The following MAF variants were observed in gnomAD, a reference collection of about 807,000 sequenced individuals.
MAF encodes transcription factor Maf.
MAF carries 10 observed loss-of-function variants against 22.0 expected under a neutral mutation model. That is an observed-to-expected ratio of 0.45 (90% CI 0.28 to 0.77). MAF has a LOEUF of 0.77. Among genes scored for constraint, MAF ranks in the 30% least tolerant of loss-of-function variants. The pLI is 0.12. For synonymous variants in MAF, 337 were observed against 255.8 expected, an observed-to-expected ratio of 1.32 and a Z score of -3.03; for missense variants, 544 against 548.4, an observed-to-expected ratio of 0.99 and a Z score of 0.08.
chr16:79,227,684 T>C, the MAF span, among the ~76,000 whole-genome samples: 2 of 151,908 alleles, frequency 1.3e-5, no homozygotes. Context: ...TAAGCTGAAG[T>C]ATTGATTTTT....
At chr16:79,591,608 T>C (rs1272326947), downstream of MAF, among the ~76,000 whole-genome samples, 1 of 152,224 alleles carries the variant, frequency 6.6e-6, no homozygotes, top group Non-Finnish European at 1.5e-5. Flanking sequence ...AAAATGTGTT[T>C]TATGAGTTTC....
the MAF span, among the ~76,000 whole-genome samples, chr16:79,264,748 C>G: frequency 6.6e-6 from 1 of 152,198 alleles, no homozygotes; most frequent in African/African-American, 2.4e-5. Flanking sequence ...TGTCTAACCT[C>G]TAGGAAACTT....
the MAF span, among the ~76,000 whole-genome samples, chr16:79,577,404 T>G: frequency 1.3e-5 from 2 of 152,182 alleles, no homozygotes. Context: ...TGGTGAAGGG[T>G]CAATTGATAC....
chr16:79,396,545 G>A, the MAF span, among the ~76,000 whole-genome samples: 2 of 152,200 alleles, frequency 1.3e-5, no homozygotes, highest in Non-Finnish European at 1.5e-5. Context: ...TAAATATGAG[G>A]GTTCTAGAAT....
chr16:79,433,338 G>A, the MAF span, among the ~76,000 whole-genome samples: 10 of 150,786 alleles, frequency 6.6e-5, no homozygotes, highest in East Asian at 2.0e-4. Context: ...GAAGATTAAC[G>A]GGACGATGGA....
the MAF span, among the ~76,000 whole-genome samples, chr16:79,467,121 G>T: frequency 6.6e-6 from 1 of 152,134 alleles, no homozygotes; most frequent in African/African-American, 2.4e-5. Context: ...TTGGGCCCAG[G>T]ATGCTGATCA....
At chr16:79,430,337 G>C in the MAF span, among the ~76,000 whole-genome samples, 3 of 152,190 alleles carry the variant, frequency 2.0e-5, no homozygotes, top group Non-Finnish European at 2.9e-5. Context: ...ACCTTCCCCC[G>C]GGCTGAGCAG....
the MAF span, among the ~76,000 whole-genome samples, chr16:79,496,500 G>T: frequency 6.6e-6 from 1 of 152,156 alleles, no homozygotes; most frequent in African/African-American, 2.4e-5. Flanking sequence ...CACTCCTCAG[G>T]TTCTGTTATC....
the MAF span, among the ~76,000 whole-genome samples, chr16:79,389,430 G>C: frequency 3.7e-3 from 558 of 152,072 alleles, 2 homozygotes; most frequent in Non-Finnish European, 5.8e-3. Flanking sequence ...GCAATGTTTT[G>C]TATTTTTAGT....
At chr16:79,529,152 T>A in the MAF span, among the ~76,000 whole-genome samples, 1 of 152,204 alleles carries the variant, frequency 6.6e-6, no homozygotes, top group African/African-American at 2.4e-5. Context: ...GATTGGGATG[T>A]GGGAAATTAC....
At chr16:79,386,446 T>A in the MAF span, among the ~76,000 whole-genome samples, 1 of 152,118 alleles carries the variant, frequency 6.6e-6, no homozygotes, top group Non-Finnish European at 1.5e-5. Context: ...GTGGCTGATC[T>A]GACAGGAGAC....
the MAF span, among the ~76,000 whole-genome samples, chr16:79,493,085 G>C: frequency 6.6e-6 from 1 of 151,638 alleles, no homozygotes; most frequent in African/African-American, 2.4e-5. Flanking sequence ...AGCCTCCTGA[G>C]TACTTGGGAT....
At chr16:79,216,401 G>T in the MAF span, among the ~76,000 whole-genome samples, 1 of 152,172 alleles carries the variant, frequency 6.6e-6, no homozygotes, top group African/African-American at 2.4e-5. Flanking sequence ...CCTAACTCAT[G>T]ATGGTTTGAC....
chr16:79,471,976 G>C, the MAF span, among the ~76,000 whole-genome samples: 25 of 152,270 alleles, frequency 1.6e-4, no homozygotes, highest in African/African-American at 6.0e-4. Flanking sequence ...ACAAAGTGTA[G>C]CTTTCTAGTT....
the MAF span, among the ~76,000 whole-genome samples, chr16:79,396,591 T>G: frequency 1.3e-5 from 2 of 152,206 alleles, no homozygotes; most frequent in Non-Finnish European, 2.9e-5. Context: ...GGGTATCCCA[T>G]GACCTCTCTG....
chr16:79,552,463 C>A, the MAF span, among the ~76,000 whole-genome samples: 1 of 152,232 alleles, frequency 6.6e-6, no homozygotes, highest in Non-Finnish European at 1.5e-5. Context: ...CCCATGTCGG[C>A]CTTCCAAAGT....
chr16:79,400,097 G>A, the MAF span, among the ~76,000 whole-genome samples: 2 of 152,118 alleles, frequency 1.3e-5, no homozygotes, highest in African/African-American at 4.8e-5. Context: ...GACATTTTTG[G>A]TTGCTCCAGG....
At chr16:79,387,835 C>A in the MAF span, among the ~76,000 whole-genome samples, 1 of 152,124 alleles carries the variant, frequency 6.6e-6, no homozygotes, top group African/African-American at 2.4e-5. Flanking sequence ...AACTTCATCA[C>A]GTGAGGATTC....
chr16:79,585,448 C>T (rs576655164), downstream of MAF, among the ~76,000 whole-genome samples: 7 of 151,986 alleles, frequency 4.6e-5, no homozygotes, highest in East Asian at 1.2e-3. Flanking sequence ...TATGAGGCCC[C>T]GGTAAAACCG....
Sources: allele counts gnomAD v4.1 joint callset (sites outside exome capture counted in the v4.1 genomes callset), GRCh38; gene constraint gnomAD v4.1.1; transcripts MANE v1.5; gene names NCBI Gene and HGNC (gene_info 2026-07-23, HGNC 2026-07-21).